NTRK2: variants seen among roughly 807,000 people sequenced by gnomAD.
NTRK2 encodes the protein neurotrophic receptor tyrosine kinase 2.
In NTRK2, 13 loss-of-function variants were observed where a neutral mutation model predicts 94.5. That is an observed-to-expected ratio of 0.14 (90% confidence interval 0.09 to 0.22). NTRK2 has a LOEUF of 0.22. Among genes scored for constraint, NTRK2 ranks in the 10% least tolerant of loss-of-function variants. NTRK2 has a pLI of 1.00. For synonymous variants in NTRK2, 372 were observed against 407.4 expected, an observed-to-expected ratio of 0.91 and a Z score of 1.05; for missense variants, 639 against 1,071.2, an observed-to-expected ratio of 0.60 and a Z score of 5.63.
intron 12 of NTRK2, among the ~76,000 whole-genome samples, chr9:84,832,676 C>T (rs1235882909): frequency 6.6e-6 from 1 of 152,174 alleles, no homozygotes; most frequent in Non-Finnish European, 1.5e-5. Context: ...AGATAGAAAA[C>T]CCCAAACCCC....
rs1475536410 is a variant in NTRK2 at position 85,025,928 on chromosome 9, T to C, written c.*4491T>C. Reference sequence around the variant, plus strand: ...AAGAATGAGGGGTGGGAGGGATTTATAGTTAGAAACGACAGTGCAGGAAGG... The same window carrying C: ...AAGAATGAGGGGTGGGAGGGATTTACAGTTAGAAACGACAGTGCAGGAAGG... On this transcript the variant is annotated 3_prime_UTR_variant, in exon 19 of 19. Coordinates refer to ENST00000277120, the MANE Select transcript of NTRK2 (RefSeq NM_006180.6). 2.1e-5 allele frequency: 5 copies of C among 232,800 alleles called. No homozygotes were observed. The Admixed American group carries it at 2.8e-4, about 13-fold the overall frequency. The allele number at this position is 232,800 out of a possible 1,614,324, so 14.4% of individuals were successfully genotyped here.
intron 17 of NTRK2, among the ~76,000 whole-genome samples, chr9:84,966,916 G>A (rs1342977581): frequency 2.6e-5 from 4 of 152,186 alleles, no homozygotes; most frequent in Non-Finnish European, 5.9e-5. Flanking sequence ...TTTCCTGAGA[G>A]AGATGGTATT....
At chr9:84,966,222 G>A (rs2133091435) in intron 17 of NTRK2, among the ~76,000 whole-genome samples, 1 of 152,292 alleles carries the variant, frequency 6.6e-6, no homozygotes, top group African/African-American at 2.4e-5. Context: ...ATCTTACCTA[G>A]TACTATAGAA....
At chr9:84,916,415 TAC>T (rs968398714) in intron 14 of NTRK2, among the ~76,000 whole-genome samples, 8 of 152,174 alleles carry the variant, frequency 5.3e-5, no homozygotes, top group Admixed American at 5.2e-4. Context: ...TTCATCCTAG[TAC>T]TCAGGAGACA....
chr9:84,751,579 A>T (rs2064617201), intron 11 of NTRK2, among the ~76,000 whole-genome samples: 2 of 150,198 alleles, frequency 1.3e-5, no homozygotes, highest in Admixed American at 1.3e-4. Context: ...AGACTCCGTC[A>T]CACACACACA....
chr9:85,019,008 C>T lies in NTRK2; in HGVS notation c.2173-1198C>T, dbSNP rs1428170381. Among the ~76,000 whole-genome samples the T allele has an allele frequency of 2.0e-5, 3 of 152,164 alleles. No homozygotes were observed. In the South Asian group the frequency reaches 6.2e-4, roughly 32 times the overall value. Reference sequence around the variant, plus strand: ...AAGAATGAAATAAAATATCCTCCCCCTTTTGTACTCTTGTGCTTTCTTTGG... The same window carrying T: ...AAGAATGAAATAAAATATCCTCCCCTTTTTGTACTCTTGTGCTTTCTTTGG... On this transcript the variant is annotated intron_variant, in intron 17 of 18. Coordinates refer to ENST00000277120, the MANE Select transcript of NTRK2 (RefSeq NM_006180.6).
chr9:84,971,431 C>G (rs956710338), intron 17 of NTRK2, among the ~76,000 whole-genome samples: 2 of 152,178 alleles, frequency 1.3e-5, no homozygotes, highest in African/African-American at 4.8e-5. Context: ...GGGAATCTAA[C>G]CAGGTTAGAT....
intron 2 of NTRK2, among the ~76,000 whole-genome samples, chr9:84,680,318 G>C (rs1371975980): frequency 6.6e-6 from 1 of 152,200 alleles, no homozygotes; most frequent in Non-Finnish European, 1.5e-5. Context: ...TTGATGTGTA[G>C]ATGGGATGTG....
intron 14 of NTRK2, among the ~76,000 whole-genome samples, chr9:84,930,739 G>A (rs565169616): frequency 6.6e-6 from 1 of 152,284 alleles, no homozygotes; most frequent in African/African-American, 2.4e-5. Context: ...TGGGAGGATA[G>A]TGTCTGGATA....
chr9:84,835,188 A>G (rs572127616), intron 12 of NTRK2, among the ~76,000 whole-genome samples: 2 of 152,314 alleles, frequency 1.3e-5, no homozygotes, highest in South Asian at 2.1e-4. Flanking sequence ...AAGTGTGGCT[A>G]TCTTTCAGAG....
intron 2 of NTRK2, among the ~76,000 whole-genome samples, chr9:84,679,330 CA>C (rs769240927): frequency 1.3e-5 from 2 of 152,132 alleles, no homozygotes; most frequent in Non-Finnish European, 2.9e-5. Flanking sequence ...CATATATATA[CA>C]AACAATCATT....
At chr9:85,006,445 C>T (rs1830969882) in intron 17 of NTRK2, among the ~76,000 whole-genome samples, 1 of 150,884 alleles carries the variant, frequency 6.6e-6, no homozygotes, top group Non-Finnish European at 1.5e-5. Context: ...AAGGCAGCTT[C>T]AAGGTGAGCC....
At chr9:84,744,550 T>G (rs2063900783) in intron 10 of NTRK2, among the ~76,000 whole-genome samples, 1 of 152,116 alleles carries the variant, frequency 6.6e-6, no homozygotes, top group South Asian at 2.1e-4. Context: ...CATGTAACTT[T>G]CCTCCACTGA....
At chr9:84,699,725 C>A (rs1263309767) in intron 2 of NTRK2, among the ~76,000 whole-genome samples, 1 of 149,972 alleles carries the variant, frequency 6.7e-6, no homozygotes, top group Non-Finnish European at 1.5e-5. Flanking sequence ...CCGTTGATAT[C>A]TCTTTATTTT....
chr9:84,892,472 A>T (rs1161205715), intron 14 of NTRK2, among the ~76,000 whole-genome samples: 3 of 152,254 alleles, frequency 2.0e-5, no homozygotes, highest in Non-Finnish European at 4.4e-5. Context: ...CATACAGAAG[A>T]GTTAAAAGAA....
Position 84,681,359 on chromosome 9 carries a change from C to T in NTRK2, c.212+10399C>T, listed in dbSNP as rs1304274279. On this transcript the variant is annotated intron_variant, in intron 2 of 18. Transcript: ENST00000277120. ...GACTCTTCCTTCTCTGTAACCCCTACACTCATTCACATATTACGTCTTGTC... is the reference window on the plus strand; with the variant it reads ...GACTCTTCCTTCTCTGTAACCCCTATACTCATTCACATATTACGTCTTGTC... Among the ~76,000 whole-genome samples, 5 of 152,212 alleles carry T rather than the reference C, an allele frequency of 3.3e-5. No homozygotes were observed. The East Asian group carries it at 9.6e-4, about 29-fold the overall frequency.
chr9:84,995,090 C>G (rs1336750139), intron 17 of NTRK2, among the ~76,000 whole-genome samples: 1 of 152,152 alleles, frequency 6.6e-6, no homozygotes, highest in East Asian at 1.9e-4. Flanking sequence ...TCCTTAGAAA[C>G]AGAAAACCCT....
At chr9:84,989,268 T>C (rs1588128353) in intron 17 of NTRK2, among the ~76,000 whole-genome samples, 1 of 152,376 alleles carries the variant, frequency 6.6e-6, no homozygotes, top group African/African-American at 2.4e-5. Flanking sequence ...ATTATCTCTT[T>C]ATATTCTCAG....
chr9:84,779,307 C>T (rs767928262), intron 12 of NTRK2, among the ~76,000 whole-genome samples: 2 of 152,098 alleles, frequency 1.3e-5, no homozygotes, highest in African/African-American at 4.8e-5. Context: ...AACACACCCA[C>T]GTCCAAGGGG....
Sources: allele counts gnomAD v4.1 joint callset (sites outside exome capture counted in the v4.1 genomes callset), GRCh38; gene constraint gnomAD v4.1.1; transcripts MANE v1.5; gene names NCBI Gene and HGNC (gene_info 2026-07-23, HGNC 2026-07-21).